FMNL1: variants seen among roughly 807,000 people sequenced by gnomAD.
FMNL1 encodes the protein formin-like protein 1.
Under a neutral mutation model 121.3 loss-of-function variants are expected in FMNL1, and 43 were observed. The ratio of observed to expected loss-of-function variants is 0.35; its 90% CI spans 0.28 to 0.46. The LOEUF (loss-of-function observed/expected upper bound fraction) is 0.46. FMNL1 is among the 20% of genes least tolerant of loss of function. FMNL1 has a pLI of 1.00. For missense variants in FMNL1, 1,191 were observed against 1,482.4 expected, an observed-to-expected ratio of 0.80 and a Z score of 3.23; for synonymous variants, 613 against 613.5, an observed-to-expected ratio of 1.00 and a Z score of 0.01.
chr17:45,245,944 C>G lies in FMNL1; in HGVS notation c.3061C>G (p.Pro1021Ala), dbSNP rs2043821283. Residue 1021 changes from proline to alanine, a missense_variant, in exon 24 of 27, where the codon CCG becomes GCG. This residue lies in a region of FMNL1 where 367 missense variants were observed against 528.6 expected (regional missense o/e 0.69). Coordinates refer to ENST00000331495, the MANE Select transcript of FMNL1 (RefSeq NM_005892.4). ...TGCCCAGGAGGCAGGCGCTGATACC[C>G]CGGGCAAAGGGGAGCCCCCAGCACC... The part of the protein sequence containing the change: ...AAAQEAGADT[P>A]GKGEPPAPKS... 2 of 1,583,080 alleles carry G rather than the reference C, an allele frequency of 1.3e-6. No individual in the cohort carries two copies. Among genetic ancestry groups the G allele is most frequent in the Non-Finnish European group, 1.7e-6 (2 of 1,168,888 alleles).
Position 45,246,515 on chromosome 17 carries a change from G to T in FMNL1, c.3222G>T (p.Thr1074=), listed in dbSNP as rs2043840772. 6.2e-7 allele frequency: 1 copy of T among 1,614,058 alleles called. No homozygotes were observed. Among genetic ancestry groups the T allele is most frequent in the Non-Finnish European group, 8.5e-7 (1 of 1,180,002 alleles). ...CCCACCCCCACTCAGTGATCAAGAC[G>T]GTGCCCTTCACGGCCCGCACCGGCA... The part of the protein sequence containing the change: ...AIEDIITVIK[T]VPFTARTGKR... The change falls in exon 26 of 27, where the codon ACG becomes ACT. Residue 1074 remains threonine, a synonymous_variant. Transcript: ENST00000331495.
Position 45,222,250 on chromosome 17 carries a change from C to T in FMNL1, c.126C>T (p.Ala42=), listed in dbSNP as rs1212331425. 1.7e-6 allele frequency: 2 copies of T among 1,207,080 alleles called. No individual in the cohort carries two copies. The allele number at this position is 1,207,080 out of a possible 1,614,324, so 74.8% of individuals were successfully genotyped here. Residue 42 remains alanine, a synonymous_variant, in exon 1 of 27, where the codon GCC becomes GCT. Coordinates refer to ENST00000331495, the MANE Select transcript of FMNL1 (RefSeq NM_005892.4). ...AGCTGGAGGAGAGGTTCAACCGCGC[C>T]CTGGTGAGTGCGACCCGGAGGCGGG... is the stretch of plus-strand genomic sequence containing the variant. ...AGELEERFNR[A]LNCMNLPPDK...
rs1048159130 is a variant in FMNL1, at chr17:45,233,621, G to A, written c.402-27G>A. On this transcript the variant is annotated intron_variant, in intron 4 of 26. Coordinates refer to ENST00000331495, the MANE Select transcript of FMNL1 (RefSeq NM_005892.4). The surrounding 1 kb of genome is among the most constrained non-coding windows in gnomAD (Gnocchi z 4.1). ...GTGGGGCAGGACCTCCTTTCTGGCT[G>A]GAGCTCAGGGAGCCCTGTGCCCACA... The A allele has an allele frequency of 3.1e-6, 5 of 1,613,272 alleles. No individual in the cohort carries two copies. In the African/African-American group the frequency reaches 5.3e-5, roughly 17 times the overall value.
Position 45,237,698 on chromosome 17 carries a change from T to C in FMNL1, c.894+59T>C. 6.3e-7 allele frequency: 1 copy of C among 1,577,680 alleles called. No homozygotes were observed. Among genetic ancestry groups the C allele is most frequent in the East Asian group, 2.2e-5 (1 of 44,492 alleles). ...CCCTATGGTGTTGCTTGGAGTCTTG[T>C]TGTTGGCAGTTGTGGCCTTTGCTGG... On this transcript the variant is annotated intron_variant, in intron 9 of 26. Coordinates refer to ENST00000331495, the MANE Select transcript of FMNL1 (RefSeq NM_005892.4). This position sits in a 1 kb window ranked among gnomAD's most constrained non-coding sequence, Gnocchi z 4.4.
chr17:45,230,833 G>A, intron 2 of FMNL1, 146 bp downstream of exon 2: 2 of 799,526 alleles, frequency 2.5e-6, no homozygotes, highest in Non-Finnish European at 3.8e-6. Flanking sequence ...ACCTGGGGAG[G>A]GTGCTGGGGT....
At chr17:45,232,129 G>A (rs775565761) in intron 2 of FMNL1, among the ~76,000 whole-genome samples, 1 of 152,062 alleles carries the variant, frequency 6.6e-6, no homozygotes, top group African/African-American at 2.4e-5. Flanking sequence ...AACTATGTTC[G>A]TGCCACAGCA....
Position 45,246,340 on chromosome 17 carries a change from T to G in FMNL1, c.3211+10T>G, listed in dbSNP as rs369653564. 6.2e-7 allele frequency: 1 copy of G among 1,614,100 alleles called. No homozygotes were observed. The highest frequency in any genetic ancestry group is 1.7e-5 in the Admixed American group (1 of 60,030). On this transcript the variant is annotated intron_variant, in intron 25 of 26. Coordinates refer to ENST00000331495, the MANE Select transcript of FMNL1 (RefSeq NM_005892.4). ...GAAGACATCATCACAGGTAAGGGCT[T>G]GGCCAGGCCTTGGTCTTATCCTCAG...
At position 45,244,806 on chromosome 17, in the gene FMNL1, C is replaced by T. The variant is rs1268753427; in HGVS notation, c.2518-13C>T. 4 of 1,606,330 alleles carry T rather than the reference C, an allele frequency of 2.5e-6. No homozygotes were observed. The East Asian group carries it at 6.7e-5, about 27-fold the overall frequency. On this transcript the variant is annotated splice_polypyrimidine_tract_variant and intron_variant, in intron 19 of 26. Transcript: ENST00000331495. The stretch of plus-strand genomic sequence containing the variant: ...TCTGGCATTCTGCTGAGCCTTTCTC[C>T]TGCCTCTCCCAGATTGTCCTGGCCT...
chr17:45,236,606 C>T (rs552482473), intron 7 of FMNL1: 77 of 175,944 alleles, frequency 4.4e-4, no homozygotes, highest in African/African-American at 1.5e-3. Flanking sequence ...TTACTTAGCC[C>T]GCCTTTAAGC....
rs1363895517 is a variant in FMNL1, at chr17:45,231,883, TC to T, written c.214-482del. 6.6e-6 allele frequency among the ~76,000 whole-genome samples: 1 copy of T among 152,168 alleles called. No individual in the cohort carries two copies. Among genetic ancestry groups the T allele is most frequent in the Non-Finnish European group, 1.5e-5 (1 of 68,020 alleles). On this transcript the variant is annotated intron_variant, in intron 2 of 26. Coordinates refer to ENST00000331495, the MANE Select transcript of FMNL1 (RefSeq NM_005892.4). This position sits in a 1 kb window ranked among gnomAD's most constrained non-coding sequence, Gnocchi z 4.7. ...GCACCACCTGCTGGCTAGACTGAGT[TC>T]CTTCCCACCCCAGGGCGGGGCCTAC... is the stretch of plus-strand genomic sequence containing the variant.
intron 1 of FMNL1, among the ~76,000 whole-genome samples, chr17:45,223,592 C>A (rs1421612588): frequency 2.0e-5 from 3 of 152,198 alleles, no homozygotes; most frequent in Admixed American, 2.0e-4. Context: ...ATCTCTCCAC[C>A]TGCCCTGCTC....
At chr17:45,243,450 G>A in intron 17 of FMNL1, 130 bp downstream of exon 17, 1 of 1,121,298 alleles carries the variant, frequency 8.9e-7, no homozygotes, top group Non-Finnish European at 1.2e-6. Context: ...CCTGGTCCAG[G>A]AAACTTGTCC....
intron 10 of FMNL1, 37 bp downstream of exon 10, chr17:45,238,675 A>C (rs1174181224): frequency 6.2e-7 from 1 of 1,612,812 alleles, no homozygotes; most frequent in South Asian, 1.1e-5. Flanking sequence ...GGCCTGGGCC[A>C]GGCCCTCTTG....
Position 45,243,571 on chromosome 17 carries a change from G to A in FMNL1, c.2214-220G>A, listed in dbSNP as rs1340589104. ...CAGGCTGTGGGATTTACAGCCGGGC[G>A]TCCGCCGCTGACGTACGATGGGGAC... On this transcript the variant is annotated intron_variant, in intron 17 of 26. Transcript: ENST00000331495. 2.6e-5 allele frequency among the ~76,000 whole-genome samples: 4 copies of A among 152,246 alleles called. No individual in the cohort carries two copies. The South Asian group carries it at 8.3e-4, about 31-fold the overall frequency.
rs533947160 is a variant in FMNL1 at position 45,237,711 on chromosome 17, T to C, written c.894+72T>C. On this transcript the variant is annotated intron_variant, in intron 9 of 26. Transcript: ENST00000331495. This position sits in a 1 kb window ranked among gnomAD's most constrained non-coding sequence, Gnocchi z 4.4. ...CTTGGAGTCTTGTTGTTGGCAGTTGTGGCCTTTGCTGGAGGCAGCTGGGGA... is the reference window on the plus strand; with the variant it reads ...CTTGGAGTCTTGTTGTTGGCAGTTGCGGCCTTTGCTGGAGGCAGCTGGGGA... The C allele has an allele frequency of 5.8e-6, 9 of 1,543,194 alleles. No individual in the cohort carries two copies. The African/African-American group carries it at 1.2e-4, about 21-fold the overall frequency.
chr17:45,241,857 T>A lies in FMNL1; in HGVS notation c.1596T>A (p.Pro532=). The A allele has an allele frequency of 7.0e-7, 1 of 1,428,888 alleles. No individual in the cohort carries two copies. Among genetic ancestry groups the A allele is most frequent in the South Asian group, 1.4e-5 (1 of 69,146 alleles). The allele number at this position is 1,428,888 out of a possible 1,614,324, so 88.5% of individuals were successfully genotyped here. A position where few individuals can be genotyped will look rare whatever the true frequency, so the allele number is the denominator to read the frequency against. The change falls in exon 15 of 27, where the codon CCT becomes CCA. Residue 532 remains proline, a synonymous_variant. Transcript: ENST00000331495. This position sits in a 1 kb window ranked among gnomAD's most constrained non-coding sequence, Gnocchi z 7.0. ...PTGSPSPDLA[P]AAEPAPGAAP... ...CCCTCGCTGGCTCAGATCTCGCACC[T>A]GCAGCAGAGCCGGCTCCCGGAGCAG...
chr17:45,245,770 G>T, intron 23 of FMNL1, 37 bp downstream of exon 23: 1 of 1,609,178 alleles, frequency 6.2e-7, no homozygotes, highest in Non-Finnish European at 8.5e-7. Flanking sequence ...GCCCTGTAGG[G>T]CACTGAAGCC....
At chr17:45,224,813 C>G (rs34882785) in intron 1 of FMNL1, among the ~76,000 whole-genome samples, 1 of 152,234 alleles carries the variant, frequency 6.6e-6, no homozygotes, top group East Asian at 1.9e-4. Flanking sequence ...CGGCTGCTGC[C>G]TTAGCAACAG....
chr17:45,224,246 C>T lies in FMNL1; in HGVS notation c.129+1993C>T, dbSNP rs116840648. ...GCTAAGACCCTGGTTCCTCTCATTC[C>T]CCACCAGCAGGGGCATGAGGCTTGC... On this transcript the variant is annotated intron_variant, in intron 1 of 26. Coordinates refer to ENST00000331495, the MANE Select transcript of FMNL1 (RefSeq NM_005892.4). Among the ~76,000 whole-genome samples, 1,254 of 152,252 alleles carry T rather than the reference C, an allele frequency of 8.2e-3. 15 individuals carry two copies. Among genetic ancestry groups the T allele is most frequent in the African/African-American group, 0.029 (1,191 of 41,534 alleles).
Sources: allele counts gnomAD v4.1 joint callset (sites outside exome capture counted in the v4.1 genomes callset), GRCh38; gene constraint gnomAD v4.1.1; regional missense constraint gnomAD v4.1.1; non-coding constraint Gnocchi (gnomAD v3.1); transcripts MANE v1.5; gene names NCBI Gene and HGNC (gene_info 2026-07-23, HGNC 2026-07-21).